MYO3A: variants seen among roughly 807,000 people sequenced by gnomAD.
MYO3A encodes the protein myosin-IIIa.
MYO3A carries 180 observed loss-of-function variants against 192.7 expected under a neutral mutation model. That is an observed-to-expected ratio of 0.93 (90% CI 0.83 to 1.06). The LOEUF is 1.06. MYO3A is among the 50% of genes least tolerant of loss of function. MYO3A has a pLI of 0.00. For missense variants in MYO3A, 1,896 were observed against 1,905.0 expected, an observed-to-expected ratio of 1.00 and a Z score of 0.09; for synonymous variants, 628 against 645.3, an observed-to-expected ratio of 0.97 and a Z score of 0.41.
At chr10:26,205,502 G>T (rs1843879519) in intron 34 of MYO3A, among the ~76,000 whole-genome samples, 1 of 143,152 alleles carries the variant, frequency 7.0e-6, no homozygotes, top group Non-Finnish European at 1.5e-5. Flanking sequence ...CCATGTATAA[G>T]TGAGATCATG....
chr10:26,072,780 G>A (rs1380853003), intron 14 of MYO3A, among the ~76,000 whole-genome samples: 1 of 152,032 alleles, frequency 6.6e-6, no homozygotes, highest in East Asian at 1.9e-4. Flanking sequence ...AGAATGCAAA[G>A]TGGTACAGCC....
At chr10:25,957,278 T>C (rs1045711537) in intron 4 of MYO3A, among the ~76,000 whole-genome samples, 3 of 152,162 alleles carry the variant, frequency 2.0e-5, no homozygotes, top group Admixed American at 2.0e-4. Context: ...ATAAGTCTGA[T>C]GAGATCTGAT....
chr10:26,183,884 A>G (rs1842736759), intron 31 of MYO3A, among the ~76,000 whole-genome samples: 1 of 152,160 alleles, frequency 6.6e-6, no homozygotes, highest in South Asian at 2.1e-4. Flanking sequence ...AACTCAAGAG[A>G]ACAGAGATAT....
chr10:26,055,173 C>A (rs993011628), intron 10 of MYO3A, among the ~76,000 whole-genome samples: 3 of 152,070 alleles, frequency 2.0e-5, no homozygotes, highest in Non-Finnish European at 4.4e-5. Context: ...CAGCTTCTGG[C>A]CAAGGGTAGT....
intron 4 of MYO3A, among the ~76,000 whole-genome samples, chr10:25,987,356 T>G (rs1839715263): frequency 6.6e-6 from 1 of 151,984 alleles, no homozygotes; most frequent in African/African-American, 2.4e-5. Context: ...CAAAGATAAA[T>G]AGATGGAACT....
At chr10:26,076,459 A>G (rs1835582997) in intron 14 of MYO3A, among the ~76,000 whole-genome samples, 1 of 150,786 alleles carries the variant, frequency 6.6e-6, no homozygotes, top group Admixed American at 6.6e-5. Context: ...TTTTCTCTTT[A>G]CTCTGCTGAC....
At chr10:26,000,009 T>G (rs1840689237) in intron 6 of MYO3A, among the ~76,000 whole-genome samples, 1 of 152,200 alleles carries the variant, frequency 6.6e-6, no homozygotes, top group South Asian at 2.1e-4. Context: ...CCCTGCATCC[T>G]AATCTCCTTC....
At chr10:25,999,937 T>G (rs565974675) in intron 6 of MYO3A, among the ~76,000 whole-genome samples, 123 of 152,314 alleles carry the variant, frequency 8.1e-4, no homozygotes, top group African/African-American at 2.9e-3. Context: ...TCTTTACTGC[T>G]CCTGCCCTAG....
chr10:25,947,389 C>CTTTTTTTTTT (rs869281200), intron 2 of MYO3A, among the ~76,000 whole-genome samples: 117 of 91,646 alleles, frequency 1.3e-3, no homozygotes, highest in East Asian at 3.0e-3. Flanking sequence ...TTTTCTTTTT[C>CTTTTTTTTTT]TTTTTTTTTT....
chr10:26,113,047 CTAGCATGT>C (rs1838286898), intron 17 of MYO3A, among the ~76,000 whole-genome samples: 1 of 152,098 alleles, frequency 6.6e-6, no homozygotes, highest in Non-Finnish European at 1.5e-5. Flanking sequence ...AAATCACATG[CTAGCATGT>C]TTTCTTTGGA....
At chr10:26,049,479 G>A (rs962499544) in intron 10 of MYO3A, among the ~76,000 whole-genome samples, 2 of 152,120 alleles carry the variant, frequency 1.3e-5, no homozygotes, top group African/African-American at 4.8e-5. Flanking sequence ...CTAGAGCACA[G>A]GTTGTATGCT....
intron 4 of MYO3A, among the ~76,000 whole-genome samples, chr10:25,981,079 TA>T (rs1281392879): frequency 6.6e-6 from 1 of 152,184 alleles, no homozygotes; most frequent in Non-Finnish European, 1.5e-5. Context: ...GAGTGTTATA[TA>T]ATTGGAATCA....
At chr10:25,972,593 CTTG>C (rs1287545477) in intron 4 of MYO3A, among the ~76,000 whole-genome samples, 6 of 152,062 alleles carry the variant, frequency 3.9e-5, no homozygotes, top group South Asian at 4.1e-4. Flanking sequence ...GGGTGGGGAA[CTTG>C]TTGTTTGCCT....
intron 6 of MYO3A, among the ~76,000 whole-genome samples, chr10:26,009,695 G>A (rs1433352255): frequency 6.6e-6 from 1 of 152,194 alleles, no homozygotes; most frequent in Non-Finnish European, 1.5e-5. Flanking sequence ...GCTTCTCTAT[G>A]ATGTGATAAC....
intron 4 of MYO3A, among the ~76,000 whole-genome samples, chr10:25,983,599 T>G (rs992923165): frequency 6.6e-6 from 1 of 152,042 alleles, no homozygotes; most frequent in East Asian, 1.9e-4. Context: ...TCCAAGAAAT[T>G]TGGGACTATG....
chr10:26,154,340 C>G (rs1041850910), intron 24 of MYO3A, among the ~76,000 whole-genome samples: 6 of 152,112 alleles, frequency 3.9e-5, no homozygotes, highest in Non-Finnish European at 8.8e-5. Flanking sequence ...CACCCACACC[C>G]AGCTAATTTT....
chr10:25,984,258 C>T (rs1839509791), intron 4 of MYO3A, among the ~76,000 whole-genome samples: 1 of 152,228 alleles, frequency 6.6e-6, no homozygotes, highest in South Asian at 2.1e-4. Flanking sequence ...TAGTACCTCA[C>T]ATCTCAATAC....
At chr10:26,118,207 A>G (rs1838637291) in intron 17 of MYO3A, among the ~76,000 whole-genome samples, 1 of 151,638 alleles carries the variant, frequency 6.6e-6, no homozygotes, top group Non-Finnish European at 1.5e-5. Context: ...CCTAAGGCCT[A>G]TAGTTTCCTC....
chr10:25,966,287 A>T (rs1316681691), intron 4 of MYO3A, among the ~76,000 whole-genome samples: 1 of 152,154 alleles, frequency 6.6e-6, no homozygotes, highest in Non-Finnish European at 1.5e-5. Context: ...TTCATCTAAT[A>T]ATTTATTTAT....
Sources: gnomAD v4.1 joint callset for allele counts (sites outside exome capture counted in the v4.1 genomes callset) on GRCh38, gnomAD v4.1.1 for gene constraint, MANE v1.5 for transcripts, NCBI Gene and HGNC (gene_info 2026-07-23, HGNC 2026-07-21) for gene names.